Variants in ABLIM2 observed in about 807,000 individuals in gnomAD.
ABLIM2 encodes actin-binding LIM protein 2.
Under a neutral mutation model 97.7 loss-of-function variants are expected in ABLIM2, and 53 were observed. The observed-to-expected ratio is 0.54, with a 90% CI of 0.44 to 0.68. The LOEUF (loss-of-function observed/expected upper bound fraction) is 0.68, where lower values mean the gene tolerates loss of function less well. Among genes scored for constraint, ABLIM2 ranks in the 30% least tolerant of loss-of-function variants. ABLIM2 has a pLI of 0.00. For missense variants in ABLIM2, 835 were observed against 867.2 expected (o/e 0.96, Z 0.47); for synonymous variants, 361 against 345.8 (o/e 1.04, Z -0.49).
chr4:8,030,273 C>G (rs1432676196), intron 10 of ABLIM2, among the ~76,000 whole-genome samples: 1 of 152,166 alleles, frequency 6.6e-6, no homozygotes, highest in Non-Finnish European at 1.5e-5. Flanking sequence ...GACCCACAAG[C>G]ACCGACATGG....
chr4:8,052,224 G>A (rs1043138487), intron 8 of ABLIM2, among the ~76,000 whole-genome samples: 11 of 152,204 alleles, frequency 7.2e-5, no homozygotes, highest in African/African-American at 2.2e-4. Context: ...GTGGTCTGGT[G>A]GCCTTGGCGT....
chr4:7,975,764 C>T (rs1008999296), intron 20 of ABLIM2, among the ~76,000 whole-genome samples: 3 of 152,138 alleles, frequency 2.0e-5, no homozygotes, highest in East Asian at 1.9e-4. Flanking sequence ...CTGATGTGTG[C>T]GTCGCTATAG....
At position 8,095,455 on chromosome 4, in the gene ABLIM2, T is replaced by A. The variant is rs1348999289; in HGVS notation, c.338+1644A>T. 1.3e-5 allele frequency among the ~76,000 whole-genome samples: 2 copies of A among 152,216 alleles called. No individual in the cohort carries two copies. The highest frequency in any genetic ancestry group is 2.9e-5 in the Non-Finnish European group (2 of 68,038). On this transcript the variant is annotated intron_variant, in intron 3 of 20. Coordinates refer to ENST00000447017, the MANE Select transcript of ABLIM2 (RefSeq NM_001130083.2). This position sits in a 1 kb window ranked among gnomAD's most constrained non-coding sequence, Gnocchi z 4.7. ...TGAACACTTATAAATTTTACGTTGT[T>A]GAATGCTGGATTTTTAAAAATCTTC...
intron 1 of ABLIM2, among the ~76,000 whole-genome samples, chr4:8,111,245 G>A (rs958995010): frequency 1.3e-5 from 2 of 152,256 alleles, no homozygotes; most frequent in African/African-American, 2.4e-5. Context: ...AGCCTGGAAA[G>A]GCTATGCCCT....
chr4:7,976,549 A>T (rs2149497045), intron 20 of ABLIM2, among the ~76,000 whole-genome samples: 1 of 152,322 alleles, frequency 6.6e-6, no homozygotes, highest in African/African-American at 2.4e-5. Context: ...CAGACACCTC[A>T]GCTTTCGTAT....
chr4:8,007,114 C>T (rs1331412868), intron 16 of ABLIM2: 9 of 985,330 alleles, frequency 9.1e-6, no homozygotes, highest in Non-Finnish European at 3.6e-6. Context: ...CACTTTTCTA[C>T]TTTCATTGTT....
At chr4:8,010,082 G>T (rs1486994409) in intron 14 of ABLIM2, among the ~76,000 whole-genome samples, 1 of 152,176 alleles carries the variant, frequency 6.6e-6, no homozygotes, top group Non-Finnish European at 1.5e-5. Flanking sequence ...AACCAGAAAT[G>T]GACTCAATGA....
intron 17 of ABLIM2, among the ~76,000 whole-genome samples, chr4:7,989,592 A>G (rs1020632685): frequency 6.6e-6 from 1 of 152,214 alleles, no homozygotes; most frequent in Middle Eastern, 3.4e-3. Context: ...CCTATTTGAT[A>G]TTACTATTGT....
At chr4:8,017,600 T>C (rs1226113153) in intron 14 of ABLIM2, among the ~76,000 whole-genome samples, 1 of 152,148 alleles carries the variant, frequency 6.6e-6, no homozygotes, top group Non-Finnish European at 1.5e-5. Context: ...CAGCAAAATT[T>C]TGGAATGATA....
Position 7,996,617 on chromosome 4 carries a change from A to G in ABLIM2, c.1619-3690T>C, listed in dbSNP as rs180848906. ...TATAAGAATATGATTCTTTCCAAGA[A>G]GAGGGCTATTATGTTTTGTCCCCGG... On this transcript the variant is annotated intron_variant, in intron 16 of 20. Transcript: ENST00000447017. This position sits in a 1 kb window ranked among gnomAD's most constrained non-coding sequence, Gnocchi z 4.5. 3.9e-5 allele frequency among the ~76,000 whole-genome samples: 6 copies of G among 152,388 alleles called. 1 individual carries two copies. In the East Asian group the frequency reaches 9.6e-4, roughly 24 times the overall value.
In ABLIM2 at chr4:8,095,008, T is replaced by TTCTG. The variant is rs1561365014; in HGVS notation, c.338+2090_338+2091insCAGA. On this transcript the variant is annotated intron_variant, in intron 3 of 20. Transcript: ENST00000447017. The surrounding 1 kb of genome is among the most constrained non-coding windows in gnomAD (Gnocchi z 4.7). ...TCTCTTTCTTTTCCTTTTTCTTTCTTTCTCTCTCTCTCTCCCCCCACTTCT... is the reference window on the plus strand; with the variant it reads ...TCTCTTTCTTTTCCTTTTTCTTTCTTTCTGTCTCTCTCTCTCTCCCCCCACTTCT... Among the ~76,000 whole-genome samples the TTCTG allele has an allele frequency of 6.9e-6, 1 of 144,932 alleles. No individual in the cohort carries two copies. The highest frequency in any genetic ancestry group is 1.5e-5 in the Non-Finnish European group (1 of 66,754).
rs375238820 is a variant in ABLIM2, at chr4:8,137,426, G to T, written c.10+21254C>A. On this transcript the variant is annotated intron_variant, in intron 1 of 20. Coordinates refer to ENST00000447017, the MANE Select transcript of ABLIM2 (RefSeq NM_001130083.2). ...GGCCTGGGGAGTGGCCACAGACATC[G>T]TGCCCCATGGGGCAGGCCTCTGGTG... Among the ~76,000 whole-genome samples the T allele has an allele frequency of 7.7e-4, 118 of 152,294 alleles. 1 individual carries two copies. Among genetic ancestry groups the T allele is most frequent in the African/African-American group, 2.8e-3 (116 of 41,578 alleles).
intron 18 of ABLIM2, among the ~76,000 whole-genome samples, chr4:7,984,018 A>G (rs1741224413): frequency 6.6e-6 from 1 of 151,752 alleles, no homozygotes; most frequent in African/African-American, 2.4e-5. Context: ...TTTTCAAACT[A>G]CTGAGCTCTG....
rs1021454416 is a variant in ABLIM2 at position 8,095,811 on chromosome 4, C to T, written c.338+1288G>A. 3.9e-5 allele frequency among the ~76,000 whole-genome samples: 6 copies of T among 152,142 alleles called. No individual in the cohort carries two copies. The highest frequency in any genetic ancestry group is 5.9e-5 in the Non-Finnish European group (4 of 68,024). On this transcript the variant is annotated intron_variant, in intron 3 of 20. Transcript: ENST00000447017. The surrounding 1 kb of genome is among the most constrained non-coding windows in gnomAD (Gnocchi z 4.7). ...TGTCCACACTGCATGCCCTGGGGTT[C>T]GACGAGGAATCTCTGCCCTGGACAG... is the stretch of plus-strand genomic sequence containing the variant.
At chr4:8,051,930 A>G (rs73074039) in intron 8 of ABLIM2, among the ~76,000 whole-genome samples, 12,178 of 152,184 alleles carry the variant, frequency 0.08, 1,341 homozygotes, top group African/African-American at 0.25. Flanking sequence ...AGACACTGCC[A>G]CCTCGAGCCC....
At chr4:8,057,354 G>C (rs897486990) in intron 7 of ABLIM2, among the ~76,000 whole-genome samples, 1 of 152,102 alleles carries the variant, frequency 6.6e-6, no homozygotes, top group Non-Finnish European at 1.5e-5. Context: ...CCAAAGTGCT[G>C]GAATTACAGG....
At position 8,147,960 on chromosome 4, in the gene ABLIM2, C is replaced by A. The variant is rs1376571797; in HGVS notation, c.10+10720G>T. ...AATCGCCCTTTAATCACGAAGTCAG[C>A]CCTAGGCCCAATATCCCAGAAGAAG... On this transcript the variant is annotated intron_variant, in intron 1 of 20. Coordinates refer to ENST00000447017, the MANE Select transcript of ABLIM2 (RefSeq NM_001130083.2). The surrounding 1 kb of genome is among the most constrained non-coding windows in gnomAD (Gnocchi z 5.3). Among the ~76,000 whole-genome samples the A allele has an allele frequency of 6.6e-6, 1 of 152,218 alleles. No individual in the cohort carries two copies. The highest frequency in any genetic ancestry group is 2.4e-5 in the African/African-American group (1 of 41,452).
At chr4:8,055,464 G>A (rs1249867706) in intron 7 of ABLIM2, among the ~76,000 whole-genome samples, 1 of 152,144 alleles carries the variant, frequency 6.6e-6, no homozygotes, top group African/African-American at 2.4e-5. Flanking sequence ...AGCCTGACCC[G>A]CCACTCCCTG....
chr4:8,042,136 C>T (rs1789086670), intron 9 of ABLIM2, among the ~76,000 whole-genome samples: 1 of 152,160 alleles, frequency 6.6e-6, no homozygotes, highest in South Asian at 2.1e-4. Context: ...AGTGGAAGGC[C>T]TCGGAAGCAG....
Sources: gnomAD v4.1 joint callset for allele counts (sites outside exome capture counted in the v4.1 genomes callset) on GRCh38, gnomAD v4.1.1 for gene constraint, Gnocchi (gnomAD v3.1) non-coding constraint, MANE v1.5 for transcripts, NCBI Gene and HGNC (gene_info 2026-07-23, HGNC 2026-07-21) for gene names.